NTAQ1: variants seen among roughly 807,000 people sequenced by gnomAD.
The protein encoded by NTAQ1 is protein N-terminal glutamine amidohydrolase.
In NTAQ1, 21 loss-of-function variants were observed where a neutral mutation model predicts 28.2. The observed-to-expected ratio is 0.74, with a 90% CI of 0.53 to 1.07. The LOEUF is 1.07. Ranked by LOEUF, NTAQ1 falls within the 50% of genes least tolerant of loss-of-function variation. NTAQ1 has a pLI of 0.00. For synonymous variants in NTAQ1, 105 were observed against 90.0 expected (o/e 1.17, Z -0.94); for missense variants, 264 against 256.6 (o/e 1.03, Z -0.20).
At chr8:123,460,225 G>C (rs1217824615) in intron 6 of NTAQ1, among the ~76,000 whole-genome samples, 1 of 152,112 alleles carries the variant, frequency 6.6e-6, no homozygotes, top group South Asian at 2.1e-4. Flanking sequence ...TTTGTGCCAG[G>C]CACTGCTCAA....
chr8:123,439,636 G>A (rs13255316), intron 5 of NTAQ1, among the ~76,000 whole-genome samples: 54,851 of 151,466 alleles, frequency 0.36, 10,047 homozygotes, highest in East Asian at 0.56. Flanking sequence ...GTGAGCCACC[G>A]CGCCGGCCAC....
At chr8:123,418,377 G>C (rs370794319) in intron 1 of NTAQ1, among the ~76,000 whole-genome samples, 3 of 151,800 alleles carry the variant, frequency 2.0e-5, no homozygotes, top group Admixed American at 2.0e-4. Flanking sequence ...CTTGAACCTG[G>C]GAGGTGGAGG....
intron 3 of NTAQ1, among the ~76,000 whole-genome samples, chr8:123,433,614 G>A (rs1217816000): frequency 6.6e-6 from 1 of 151,892 alleles, no homozygotes; most frequent in Non-Finnish European, 1.5e-5. Flanking sequence ...TGCCCGGCTC[G>A]TTGTTGTATT....
In NTAQ1 at chr8:123,417,736, GCTTAA is replaced by G. The variant is rs1813392634; in HGVS notation, c.83+806_83+810del. ...GGTCACTAAACCAATGCCACCAAGA[GCTTAA>G]CATTTGTTCGGCCCTGATTGCATGT... On this transcript the variant is annotated intron_variant, in intron 1 of 5. Transcript: ENST00000287387. Among the ~76,000 whole-genome samples, 9 of 152,198 alleles carry G rather than the reference GCTTAA, an allele frequency of 5.9e-5. No homozygotes were observed. The South Asian group carries it at 1.0e-3, about 18-fold the overall frequency.
At chr8:123,471,507 G>A (rs1816041475), downstream of NTAQ1, among the ~76,000 whole-genome samples, 1 of 152,210 alleles carries the variant, frequency 6.6e-6, no homozygotes, top group Non-Finnish European at 1.5e-5. Context: ...GATCTGCATA[G>A]TGAATCAACA....
intron 6 of NTAQ1, among the ~76,000 whole-genome samples, chr8:123,456,179 A>G (rs545856513): frequency 6.6e-6 from 1 of 152,334 alleles, no homozygotes; most frequent in East Asian, 1.9e-4. Flanking sequence ...AGAGGTTCCT[A>G]TAATCTGACG....
At chr8:123,435,836 C>G (rs1192576979) in intron 3 of NTAQ1, among the ~76,000 whole-genome samples, 4 of 150,246 alleles carry the variant, frequency 2.7e-5, no homozygotes, top group Admixed American at 6.7e-5. Context: ...CACTGCACGC[C>G]AGCCTGGGTG....
exon 7 of NTAQ1, among the ~76,000 whole-genome samples, chr8:123,468,122 A>G (rs1447767405): frequency 6.6e-6 from 1 of 152,172 alleles, no homozygotes; most frequent in Non-Finnish European, 1.5e-5. Flanking sequence ...GGGCCTCAGG[A>G]GATAGGGATT....
At position 123,441,576 on chromosome 8, in the gene NTAQ1, CAACATAAA is replaced by C; in HGVS notation, c.*165_*172del. The C allele has an allele frequency of 1.5e-6, 1 of 663,466 alleles. No individual in the cohort carries two copies. The highest frequency in any genetic ancestry group is 2.6e-6 in the Non-Finnish European group (1 of 386,474). The allele number at this position is 663,466 out of a possible 1,614,324, so 41.1% of individuals were successfully genotyped here. A position where few individuals can be genotyped will look rare whatever the true frequency, so the allele number is the denominator to read the frequency against. On this transcript the variant is annotated 3_prime_UTR_variant, in exon 6 of 6. Coordinates refer to ENST00000287387, the MANE Select transcript of NTAQ1 (RefSeq NM_018024.3). ...CTGAGTGAATACAAATATAAATGAA[CAACATAAA>C]AACTTTTGTTTTGACATGTCAAATT... is the stretch of plus-strand genomic sequence containing the variant.
chr8:123,450,217 A>G (rs1563902212), downstream of NTAQ1, among the ~76,000 whole-genome samples: 1 of 151,124 alleles, frequency 6.6e-6, no homozygotes, highest in Non-Finnish European at 1.5e-5. Flanking sequence ...TGCCCAAAGG[A>G]GAAAGTGGTA....
chr8:123,441,333 T>G lies in NTAQ1; in HGVS notation c.536T>G (p.Ile179Ser). Reference sequence around the variant, plus strand: ...TCCAAAATGAACCTGAACGATTTCATCAGTATGGATCCCAAGGTAGGATGG... The same window carrying G: ...TCCAAAATGAACCTGAACGATTTCAGCAGTATGGATCCCAAGGTAGGATGG... ...GDSKMNLNDF[I>S]SMDPKVGWGA... The change falls in exon 6 of 6, where the codon ATC (isoleucine) becomes AGC (serine). Residue 179 changes from isoleucine (I) to serine (S), a missense_variant. Coordinates refer to ENST00000287387, the MANE Select transcript of NTAQ1 (RefSeq NM_018024.3). 1.2e-6 allele frequency: 2 copies of G among 1,611,838 alleles called. No homozygotes were observed. Among genetic ancestry groups the G allele is most frequent in the African/African-American group, 2.7e-5 (2 of 74,914 alleles).
At chr8:123,445,587 G>A, downstream of NTAQ1, among the ~76,000 whole-genome samples, 1 of 151,948 alleles carries the variant, frequency 6.6e-6, no homozygotes, top group Non-Finnish European at 1.5e-5. Flanking sequence ...AATTTCCAAG[G>A]TGAATTTTTA....
chr8:123,425,545 A>G lies in NTAQ1; in HGVS notation c.84-2379A>G, dbSNP rs780064869. Among the ~76,000 whole-genome samples the G allele has an allele frequency of 8.3e-4, 125 of 151,366 alleles. 2 individuals are homozygous for G. The highest frequency in any genetic ancestry group is 2.9e-4 in the Non-Finnish European group (20 of 67,960). ...AGTTATTTTAGAGAAAAGGAAAACC[A>G]TGGGAGAAAAACATGTCCAACTTCC... On this transcript the variant is annotated intron_variant, in intron 1 of 5. Transcript: ENST00000287387.
chr8:123,439,368 A>C (rs1455811955), intron 5 of NTAQ1, among the ~76,000 whole-genome samples: 1 of 133,496 alleles, frequency 7.5e-6, no homozygotes, highest in Admixed American at 7.9e-5. Flanking sequence ...TTTGAGACGG[A>C]GTCTCACTCT....
intron 3 of NTAQ1, among the ~76,000 whole-genome samples, chr8:123,435,243 C>T (rs186010542): frequency 6.8e-4 from 103 of 152,280 alleles, no homozygotes; most frequent in African/African-American, 2.4e-3. Flanking sequence ...TGGGCAGTAC[C>T]TTGAGTCTGA....
downstream of NTAQ1, among the ~76,000 whole-genome samples, chr8:123,442,964 G>A (rs1355744407): frequency 7.9e-5 from 12 of 151,518 alleles, no homozygotes; most frequent in African/African-American, 2.4e-5. Context: ...CACCGCGCCC[G>A]GCCCCCTTCC....
In NTAQ1 at chr8:123,458,939, G is replaced by T. The variant is rs537456688; in HGVS notation, c.373-8140G>T. Among the ~76,000 whole-genome samples, 107 of 152,078 alleles carry T rather than the reference G, an allele frequency of 7.0e-4. 1 individual carries two copies. The highest frequency in any genetic ancestry group is 2.1e-3 in the African/African-American group (87 of 41,512). ...TTAAAAATACAAAAAAATTAACTGG[G>T]CATGGTGGCATGCCTGCAGTCCCAG... On this transcript the variant is annotated intron_variant, in intron 6 of 6. Coordinates refer to the NTAQ1 transcript ENST00000650311.
downstream of NTAQ1, among the ~76,000 whole-genome samples, chr8:123,452,451 G>C (rs897976932): frequency 7.2e-5 from 11 of 152,178 alleles, no homozygotes; most frequent in Non-Finnish European, 1.3e-4. Context: ...ATGAAAATTA[G>C]CTGGGCATGA....
At chr8:123,461,253 G>A (rs1214404484) in intron 6 of NTAQ1, among the ~76,000 whole-genome samples, 2 of 152,236 alleles carry the variant, frequency 1.3e-5, no homozygotes, top group East Asian at 3.9e-4. Context: ...GTCCCCAGCA[G>A]CCTTGGTCCC....
Sources: allele counts gnomAD v4.1 joint callset (sites outside exome capture counted in the v4.1 genomes callset), GRCh38; gene constraint gnomAD v4.1.1; transcripts MANE v1.5; gene names NCBI Gene and HGNC (gene_info 2026-07-23, HGNC 2026-07-21).